Variants in SAV1 observed in about 807,000 individuals in gnomAD.
The protein encoded by SAV1 is protein salvador homolog 1.
SAV1 carries 23 observed loss-of-function variants against 47.3 expected under a neutral mutation model. The observed-to-expected ratio is 0.49, with a 90% CI of 0.35 to 0.69. The LOEUF (loss-of-function observed/expected upper bound fraction) is 0.69, where lower values mean the gene tolerates loss of function less well. Among genes scored for constraint, SAV1 ranks in the 30% least tolerant of loss-of-function variants. The pLI is 0.01. For missense variants in SAV1, 448 were observed against 457.4 expected (o/e 0.98, Z 0.19); for synonymous variants, 155 against 159.2 (o/e 0.97, Z 0.20).
chr14:50,667,537 T>C (rs1198307819), intron 1 of SAV1: 3 of 490,436 alleles, frequency 6.1e-6, no homozygotes, highest in Non-Finnish European at 1.2e-5. Flanking sequence ...TAATTACTTT[T>C]ACTCCTATAG....
intron 2 of SAV1, among the ~76,000 whole-genome samples, chr14:50,659,818 C>T (rs1033594738): frequency 1.5e-4 from 23 of 152,110 alleles, no homozygotes; most frequent in Middle Eastern, 3.4e-3. Flanking sequence ...CACTACAGCC[C>T]GGGCAACAGA....
intron 2 of SAV1, among the ~76,000 whole-genome samples, chr14:50,661,177 C>A (rs117604765): frequency 2.7e-3 from 417 of 152,336 alleles, no homozygotes; most frequent in Non-Finnish European, 4.4e-3. Flanking sequence ...AGACACCTCA[C>A]TGTGGTTTTC....
intron 2 of SAV1, among the ~76,000 whole-genome samples, chr14:50,649,257 A>C (rs1460079013): frequency 6.6e-6 from 1 of 152,180 alleles, no homozygotes; most frequent in Non-Finnish European, 1.5e-5. Flanking sequence ...TTACTTTTTT[A>C]AAAAGCACTT....
intron 1 of SAV1, chr14:50,667,556 G>A: frequency 2.0e-6 from 1 of 490,704 alleles, no homozygotes; most frequent in Non-Finnish European, 3.9e-6. Context: ...AGCATTAGGT[G>A]ATAAGCAATT....
chr14:50,654,163 G>A (rs374240884), intron 2 of SAV1, among the ~76,000 whole-genome samples: 1 of 152,196 alleles, frequency 6.6e-6, no homozygotes, highest in Admixed American at 6.5e-5. Context: ...TACCTTTCAT[G>A]AAAGATTTTT....
chr14:50,635,356 A>G lies in SAV1; in HGVS notation c.979T>C (p.Phe327Leu). 6.2e-7 allele frequency: 1 copy of G among 1,614,124 alleles called. No individual in the cohort carries two copies. The highest frequency in any genetic ancestry group is 8.5e-7 in the Non-Finnish European group (1 of 1,179,972). ...KYDHILKWEL[F>L]QLADLDTYQG... ...TATGTATCCAGGTCAGCCAGCTGGA[A>G]GAGTTCCCACTTCAGAATGTGGTCA... is the stretch of plus-strand genomic sequence containing the variant. Residue 327 changes from phenylalanine to leucine, a missense_variant, in exon 5 of 5, where the codon TTC (phenylalanine) becomes CTC (leucine). Phe to Leu is a conservative substitution (Grantham distance 22, BLOSUM62 0). Transcript: ENST00000324679.
At chr14:50,655,473 C>G (rs1393271547) in intron 2 of SAV1, among the ~76,000 whole-genome samples, 1 of 149,514 alleles carries the variant, frequency 6.7e-6, no homozygotes, top group Non-Finnish European at 1.5e-5. Flanking sequence ...GTCCCCCAGG[C>G]TAAAGTCAGT....
chr14:50,652,955 C>T (rs559123675), intron 2 of SAV1, among the ~76,000 whole-genome samples: 3 of 151,908 alleles, frequency 2.0e-5, no homozygotes, highest in East Asian at 3.9e-4. Context: ...TGCTTGAACC[C>T]GGGAGGTGGA....
At chr14:50,644,708 C>A in intron 3 of SAV1, 36 bp downstream of exon 3, 3 of 1,577,374 alleles carry the variant, frequency 1.9e-6, no homozygotes, top group Non-Finnish European at 1.7e-6. Context: ...TAGACAATCC[C>A]GAAACAAAAA....
rs1488709025 is a variant in SAV1 at position 50,668,106 on chromosome 14, G to C, written c.-139C>G. 4.5e-5 allele frequency: 20 copies of C among 447,474 alleles called. No homozygotes were observed. The East Asian group carries it at 8.8e-4, about 20-fold the overall frequency. 27.7% of individuals were successfully genotyped at this position (447,474 alleles called of 1,614,324 possible). On this transcript the variant is annotated 5_prime_UTR_variant, in exon 1 of 5. Coordinates refer to ENST00000324679, the MANE Select transcript of SAV1 (RefSeq NM_021818.4). ...CCGCCGCCTCCGCCGCCGCCTGTCC[G>C]GAGCCCGGGGTCGCCCGCAGGGACT...
chr14:50,652,620 T>C (rs1363628631), intron 2 of SAV1, among the ~76,000 whole-genome samples: 2 of 152,098 alleles, frequency 1.3e-5, no homozygotes, highest in African/African-American at 2.4e-5. Flanking sequence ...ACCACACCAA[T>C]AATTAAAACT....
intron 2 of SAV1, among the ~76,000 whole-genome samples, chr14:50,654,037 G>A (rs1831955684): frequency 6.6e-6 from 1 of 152,172 alleles, no homozygotes; most frequent in Admixed American, 6.5e-5. Flanking sequence ...TGCTAGTGGA[G>A]GGTCCCGTCT....
At chr14:50,659,728 C>T (rs559862659) in intron 2 of SAV1, among the ~76,000 whole-genome samples, 2 of 152,268 alleles carry the variant, frequency 1.3e-5, no homozygotes, top group East Asian at 3.9e-4. Context: ...TGCCTGTAGT[C>T]CCAGCTACTC....
chr14:50,653,619 C>T (rs1020203160), intron 2 of SAV1, among the ~76,000 whole-genome samples: 1 of 152,092 alleles, frequency 6.6e-6, no homozygotes, highest in East Asian at 1.9e-4. Context: ...ACCTGTAATC[C>T]CAGCACTTTG....
intron 3 of SAV1, among the ~76,000 whole-genome samples, chr14:50,641,590 A>G (rs899083617): frequency 6.6e-6 from 1 of 152,250 alleles, no homozygotes; most frequent in Non-Finnish European, 1.5e-5. Flanking sequence ...TATGTGGCCA[A>G]CAAGCATATG....
intron 2 of SAV1, among the ~76,000 whole-genome samples, chr14:50,663,509 C>T (rs1359959574): frequency 6.6e-6 from 1 of 152,220 alleles, no homozygotes; most frequent in East Asian, 1.9e-4. Flanking sequence ...ATGCCTCTTA[C>T]TGCATTTCCA....
chr14:50,663,237 A>C (rs1264211208), intron 2 of SAV1: 1 of 152,234 alleles, frequency 6.6e-6, no homozygotes, highest in Non-Finnish European at 1.5e-5. Flanking sequence ...AAAAAGATGA[A>C]GAAAATAACA....
intron 2 of SAV1, among the ~76,000 whole-genome samples, chr14:50,653,886 T>C (rs936085564): frequency 6.6e-6 from 1 of 151,950 alleles, no homozygotes; most frequent in Non-Finnish European, 1.5e-5. Flanking sequence ...AAAAAAGTTA[T>C]ATTTTACAAT....
intron 1 of SAV1, among the ~76,000 whole-genome samples, chr14:50,665,914 T>C (rs552852131): frequency 2.6e-4 from 40 of 152,320 alleles, no homozygotes; most frequent in African/African-American, 9.4e-4. Context: ...TCAATAATCT[T>C]ATCTATGAAC....
Sources: allele counts gnomAD v4.1 joint callset (sites outside exome capture counted in the v4.1 genomes callset), GRCh38; gene constraint gnomAD v4.1.1; transcripts MANE v1.5; gene names NCBI Gene and HGNC (gene_info 2026-07-23, HGNC 2026-07-21).